The following NAALADL2 variants were observed in gnomAD, a reference collection of about 807,000 sequenced individuals.
The protein encoded by NAALADL2 is inactive N-acetylated-alpha-linked acidic dipeptidase-like protein 2.
NAALADL2 carries 76 observed loss-of-function variants against 87.2 expected under a neutral mutation model. That is an observed-to-expected ratio of 0.87 (90% CI 0.72 to 1.05). The LOEUF (loss-of-function observed/expected upper bound fraction) is 1.05, where lower values mean the gene tolerates loss of function less well. Among genes scored for constraint, NAALADL2 ranks in the 50% least tolerant of loss-of-function variants. NAALADL2 has a pLI of 0.00. For missense variants in NAALADL2, 1,089 were observed against 945.8 expected (o/e 1.15, Z -1.99); for synonymous variants, 354 against 331.0 (o/e 1.07, Z -0.75).
rs370643668 is a variant in NAALADL2 at position 174,584,710 on chromosome 3, G to A, written c.-115+34073G>A. On this transcript the variant is annotated intron_variant, in intron 2 of 3. Coordinates refer to the NAALADL2 transcript ENST00000434257. ...TAGTACCATCTCAAGTATTTAATCC[G>A]GTTTGCTACTGTGAGTTTTGCTGGT... 6.6e-5 allele frequency among the ~76,000 whole-genome samples: 10 copies of A among 152,104 alleles called. No individual in the cohort carries two copies. The South Asian group carries it at 1.2e-3, about 19-fold the overall frequency.
chr3:175,440,063 T>C (rs1719472287), intron 5 of NAALADL2, among the ~76,000 whole-genome samples: 2 of 152,200 alleles, frequency 1.3e-5, no homozygotes, highest in Non-Finnish European at 2.9e-5. Flanking sequence ...GATTTTTGTA[T>C]AAGATGAGAG....
chr3:175,768,369 T>A, intron 13 of NAALADL2, among the ~76,000 whole-genome samples: 1 of 152,176 alleles, frequency 6.6e-6, no homozygotes, highest in East Asian at 1.9e-4. Context: ...ATACACTTTT[T>A]TGATCTATCA....
rs1724355348 is a variant in NAALADL2 at position 174,651,480 on chromosome 3, A to G, written c.-114-86161A>G. Among the ~76,000 whole-genome samples, 3 of 152,340 alleles carry G rather than the reference A, an allele frequency of 2.0e-5. No individual in the cohort carries two copies. The South Asian group carries it at 6.2e-4, about 32-fold the overall frequency. On this transcript the variant is annotated intron_variant, in intron 2 of 3. Coordinates refer to the NAALADL2 transcript ENST00000434257. ...AGCAGCTTTTGAGCATCTTTTACTA[A>G]TAATTCTTTGCCTTTATACAGCACT...
chr3:174,858,803 C>T (rs769654883), upstream of NAALADL2, among the ~76,000 whole-genome samples: 1 of 151,838 alleles, frequency 6.6e-6, no homozygotes, highest in African/African-American at 2.4e-5. Flanking sequence ...ATACTTCATA[C>T]ATACTAGATA....
chr3:174,829,140 GT>G (rs1056758177), intron 3 of NAALADL2, among the ~76,000 whole-genome samples: 9 of 151,470 alleles, frequency 5.9e-5, no homozygotes, highest in South Asian at 2.1e-4. Context: ...TATACTTTAG[GT>G]TTTAGGGTAC....
intron 2 of NAALADL2, among the ~76,000 whole-genome samples, chr3:175,195,295 C>G (rs553319547): frequency 6.6e-6 from 1 of 151,782 alleles, no homozygotes; most frequent in African/African-American, 2.4e-5. Flanking sequence ...CCTGATTTTA[C>G]AACACTTACA....
intron 12 of NAALADL2, among the ~76,000 whole-genome samples, chr3:175,754,235 G>A (rs1258426536): frequency 6.6e-6 from 1 of 152,180 alleles, no homozygotes; most frequent in African/African-American, 2.4e-5. Context: ...TTTTACAGAT[G>A]AGGGCACTGA....
chr3:175,604,921 G>A (rs1014468615), intron 10 of NAALADL2, among the ~76,000 whole-genome samples: 5 of 152,298 alleles, frequency 3.3e-5, no homozygotes, highest in Admixed American at 2.6e-4. Flanking sequence ...GTGAGGATAT[G>A]GTGGCAGTGC....
chr3:175,262,083 T>C (rs1197223656), intron 4 of NAALADL2, among the ~76,000 whole-genome samples: 1 of 152,074 alleles, frequency 6.6e-6, no homozygotes, highest in Non-Finnish European at 1.5e-5. Context: ...AGAAAATAAT[T>C]ACATTTAAAA....
intron 1 of NAALADL2, among the ~76,000 whole-genome samples, chr3:175,020,705 C>T (rs1252946943): frequency 6.6e-6 from 1 of 152,024 alleles, no homozygotes; most frequent in African/African-American, 2.4e-5. Flanking sequence ...CTCTAAATAT[C>T]ACTTTGATTC....
chr3:174,987,579 A>AAC (rs1553911200), intron 1 of NAALADL2, among the ~76,000 whole-genome samples: 2 of 117,112 alleles, frequency 1.7e-5, no homozygotes, highest in Non-Finnish European at 3.2e-5. Flanking sequence ...AAAAAAAAAA[A>AAC]AAAAAAAAAA....
chr3:175,577,141 T>C (rs1342181026), intron 10 of NAALADL2, among the ~76,000 whole-genome samples: 2 of 152,176 alleles, frequency 1.3e-5, no homozygotes, highest in African/African-American at 2.4e-5. Flanking sequence ...GAGAGAATAG[T>C]ATAGCCTTGG....
intron 3 of NAALADL2, among the ~76,000 whole-genome samples, chr3:174,762,215 A>AGTGGCGCCATCTCAGCTC (rs1423245654): frequency 6.7e-6 from 1 of 149,338 alleles, no homozygotes; most frequent in Non-Finnish European, 1.5e-5. Context: ...GCTGGAGTGC[A>AGTGGCGCCATCTCAGCTC]GTGGCGCCAT....
chr3:174,621,731 T>C (rs1003544029), intron 2 of NAALADL2, among the ~76,000 whole-genome samples: 7 of 151,950 alleles, frequency 4.6e-5, no homozygotes, highest in African/African-American at 1.7e-4. Flanking sequence ...CAGGAGGGAG[T>C]AAATGAGACA....
chr3:175,449,395 T>TTA (rs34314508), intron 6 of NAALADL2, among the ~76,000 whole-genome samples: 2 of 103,884 alleles, frequency 1.9e-5, no homozygotes, highest in African/African-American at 3.5e-5. Context: ...AATTTTCTTC[T>TTA]TTTTTTTTTT....
At chr3:174,728,493 G>A (rs1732409035) in intron 2 of NAALADL2, among the ~76,000 whole-genome samples, 1 of 152,008 alleles carries the variant, frequency 6.6e-6, no homozygotes, top group Non-Finnish European at 1.5e-5. Context: ...CTAAAGCATA[G>A]TGAGGCTAAG....
intron 1 of NAALADL2, among the ~76,000 whole-genome samples, chr3:174,983,858 C>T (rs1427016584): frequency 6.6e-6 from 1 of 152,020 alleles, no homozygotes; most frequent in African/African-American, 2.4e-5. Flanking sequence ...ATTAGCTAGC[C>T]CTGAGAAGGG....
intron 3 of NAALADL2, among the ~76,000 whole-genome samples, chr3:175,247,087 T>C (rs1748130584): frequency 6.6e-6 from 1 of 152,196 alleles, no homozygotes; most frequent in Non-Finnish European, 1.5e-5. Flanking sequence ...CAATGTTTTA[T>C]CCTCATATAA....
chr3:175,307,663 T>C (rs1328607221), intron 4 of NAALADL2, among the ~76,000 whole-genome samples: 2 of 152,206 alleles, frequency 1.3e-5, no homozygotes, highest in African/African-American at 2.4e-5. Context: ...TGATCAGCCC[T>C]TGTTTCCAGG....
Sources: allele counts gnomAD v4.1 joint callset (sites outside exome capture counted in the v4.1 genomes callset), GRCh38; gene constraint gnomAD v4.1.1; transcripts MANE v1.5; gene names NCBI Gene and HGNC (gene_info 2026-07-23, HGNC 2026-07-21).